The following PIAS1 variants were observed in gnomAD, a reference collection of about 807,000 sequenced individuals.
The protein encoded by PIAS1 is E3 SUMO-protein ligase PIAS1.
PIAS1 carries 6 observed loss-of-function variants against 71.3 expected under a neutral mutation model. The observed-to-expected ratio is 0.08, with a 90% CI of 0.05 to 0.17. PIAS1 has a LOEUF of 0.17. Among genes scored for constraint, PIAS1 ranks in the 10% least tolerant of loss-of-function variants. The pLI, the probability that PIAS1 is intolerant of heterozygous loss-of-function variation, is 1.00. For missense variants in PIAS1, 555 were observed against 793.6 expected (o/e 0.70, Z 3.61); for synonymous variants, 303 against 292.9 (o/e 1.03, Z -0.35).
intron 1 of PIAS1, among the ~76,000 whole-genome samples, chr15:68,076,653 G>A (rs563149997): frequency 6.6e-6 from 1 of 152,302 alleles, no homozygotes; most frequent in South Asian, 2.1e-4. Context: ...GCCCTAGAGA[G>A]TTGACACTGT....
intron 2 of PIAS1, among the ~76,000 whole-genome samples, chr15:68,108,549 C>T (rs2092492723): frequency 6.6e-6 from 1 of 152,078 alleles, no homozygotes; most frequent in Non-Finnish European, 1.5e-5. Flanking sequence ...CACTGAGGAC[C>T]CTAAATTTAT....
At chr15:68,184,937 A>G (rs533554775) in intron 13 of PIAS1, 10 of 153,500 alleles carry the variant, frequency 6.5e-5, no homozygotes, top group African/African-American at 1.7e-4. Context: ...CAGGAGCAAT[A>G]AGAAGTCATC....
In PIAS1 at chr15:68,167,213, G is replaced by GTGTA. The variant is rs1034988055; in HGVS notation, c.1008+2410_1008+2411insGTAT. On this transcript the variant is annotated intron_variant, in intron 8 of 13. Transcript: ENST00000249636. The surrounding 1 kb of genome is among the most constrained non-coding windows in gnomAD (Gnocchi z 4.4). ...ATATTGTGTGTGTGTGTGTGTGTGT[G>GTGTA]TATGTGTAAAATGTATAATTATAAT... is the stretch of plus-strand genomic sequence containing the variant. 8.5e-5 allele frequency among the ~76,000 whole-genome samples: 13 copies of GTGTA among 152,068 alleles called. No individual in the cohort carries two copies. Among genetic ancestry groups the GTGTA allele is most frequent in the African/African-American group, 2.9e-4 (12 of 41,484 alleles).
At chr15:68,153,771 A>G in intron 7 of PIAS1, 76 bp downstream of exon 7, 1 of 758,292 alleles carries the variant, frequency 1.3e-6, no homozygotes, top group Middle Eastern at 2.5e-4. Flanking sequence ...AACTCAAGAA[A>G]TTTTAGAATT....
At chr15:68,100,180 G>A (rs1197138282) in intron 2 of PIAS1, among the ~76,000 whole-genome samples, 3 of 151,558 alleles carry the variant, frequency 2.0e-5, no homozygotes, top group Non-Finnish European at 2.9e-5. Flanking sequence ...AACATCCTGT[G>A]TACTCTTAAC....
At chr15:68,071,754 C>G (rs2092099394) in intron 1 of PIAS1, among the ~76,000 whole-genome samples, 1 of 150,510 alleles carries the variant, frequency 6.6e-6, no homozygotes, top group African/African-American at 2.4e-5. Context: ...ACACTTGAGC[C>G]CTGGAGTTTG....
At chr15:68,150,643 A>G (rs1216710866) in intron 6 of PIAS1, among the ~76,000 whole-genome samples, 2 of 152,326 alleles carry the variant, frequency 1.3e-5, no homozygotes, top group South Asian at 2.1e-4. Flanking sequence ...TTCTTGCTCT[A>G]CCTCAGGGTA....
intron 4 of PIAS1, among the ~76,000 whole-genome samples, chr15:68,143,258 A>G (rs538571384): frequency 4.3e-4 from 65 of 152,220 alleles, no homozygotes; most frequent in Non-Finnish European, 7.8e-4. Context: ...CCTTGTCTCA[A>G]TAATCAGATA....
intron 2 of PIAS1, among the ~76,000 whole-genome samples, chr15:68,124,409 T>TG (rs1264116980): frequency 2.0e-5 from 3 of 151,430 alleles, no homozygotes; most frequent in African/African-American, 7.3e-5. Flanking sequence ...GTTTTTTGTT[T>TG]TTTTTTTTTC....
In PIAS1 at chr15:68,189,648, GTA is replaced by G. The variant is rs2093109381; in HGVS notation, c.*1819_*1820del. 6.6e-6 allele frequency: 1 copy of G among 152,064 alleles called. No individual in the cohort carries two copies. Among genetic ancestry groups the G allele is most frequent in the African/African-American group, 2.4e-5 (1 of 41,400 alleles). The allele number at this position is 152,064 out of a possible 1,614,324, so 9.4% of individuals were successfully genotyped here. Reference sequence around the variant, plus strand: ...GGTGTTGATATGTATATGTGTGTGTGTATATATGTATTTATAAACAAGTGTGT... The same window carrying G: ...GGTGTTGATATGTATATGTGTGTGTGTATATGTATTTATAAACAAGTGTGT... On this transcript the variant is annotated 3_prime_UTR_variant, in exon 14 of 14. Coordinates refer to ENST00000249636, the MANE Select transcript of PIAS1 (RefSeq NM_016166.3).
At chr15:68,073,771 A>C (rs1285890037) in intron 1 of PIAS1, among the ~76,000 whole-genome samples, 1 of 152,232 alleles carries the variant, frequency 6.6e-6, no homozygotes, top group Non-Finnish European at 1.5e-5. Context: ...GTAGGTGATC[A>C]TGGAAAAGTT....
At chr15:68,099,964 T>G (rs1438431566) in intron 2 of PIAS1, among the ~76,000 whole-genome samples, 1 of 152,184 alleles carries the variant, frequency 6.6e-6, no homozygotes, top group Non-Finnish European at 1.5e-5. Context: ...CATATTTTTC[T>G]CATTCTTTAA....
Position 68,187,649 on chromosome 15 carries a change from T to C in PIAS1, c.1770T>C (p.Leu590=), listed in dbSNP as rs2093096808. The change falls in exon 14 of 14, where the codon CTT becomes CTC. Residue 590 remains leucine (L), a synonymous_variant. Transcript: ENST00000249636. This position sits in a 1 kb window ranked among gnomAD's most constrained non-coding sequence, Gnocchi z 5.3. Reference sequence around the variant, plus strand: ...CGTATACCTCCTCACAGATGTTTCTTGATCAGTTAAGTGCAGGAGGCAGTA... The same window carrying C: ...CGTATACCTCCTCACAGATGTTTCTCGATCAGTTAAGTGCAGGAGGCAGTA... The part of the protein sequence containing the change: ...FFPYTSSQMF[L]DQLSAGGSTS... 1 of 1,613,914 alleles carries C rather than the reference T, an allele frequency of 6.2e-7. No homozygotes were observed. The highest frequency in any genetic ancestry group is 8.5e-7 in the Non-Finnish European group (1 of 1,179,894).
rs527669396 is a variant in PIAS1 at position 68,192,004 on chromosome 15, T to C, written c.*4169T>C. 7.2e-5 allele frequency: 11 copies of C among 152,364 alleles called. No individual in the cohort carries two copies. The South Asian group carries it at 2.3e-3, about 32-fold the overall frequency. 9.4% of individuals were successfully genotyped at this position (152,364 alleles called of 1,614,324 possible). A position where few individuals can be genotyped will look rare whatever the true frequency, so the allele number is the denominator to read the frequency against. On this transcript the variant is annotated 3_prime_UTR_variant, in exon 14 of 14. Transcript: ENST00000249636. ...GGCAAATGAGATTCATAAAACTTGC[T>C]TTAAAACCATACTGGGACTATTCAG...
chr15:68,154,444 T>C (rs991463427), intron 7 of PIAS1, among the ~76,000 whole-genome samples: 1 of 152,138 alleles, frequency 6.6e-6, no homozygotes, highest in African/African-American at 2.4e-5. Flanking sequence ...AACAAAACTT[T>C]TATAGGCAGG....
chr15:68,145,076 T>C (rs1013734160), intron 4 of PIAS1, among the ~76,000 whole-genome samples: 3 of 152,130 alleles, frequency 2.0e-5, no homozygotes, highest in African/African-American at 7.2e-5. Context: ...ATAAATGCCT[T>C]AAATAGCAAA....
chr15:68,067,415 T>G (rs1355351510), intron 1 of PIAS1, among the ~76,000 whole-genome samples: 1 of 123,702 alleles, frequency 8.1e-6, no homozygotes. Flanking sequence ...AAAAGTTTGT[T>G]GAAATTTCTA....
intron 2 of PIAS1, among the ~76,000 whole-genome samples, chr15:68,106,668 CTCT>C (rs1406578132): frequency 6.6e-6 from 1 of 151,980 alleles, no homozygotes; most frequent in Non-Finnish European, 1.5e-5. Flanking sequence ...GTAGACATGC[CTCT>C]TCTTATACCC....
At chr15:68,073,077 G>A (rs1306337463) in intron 1 of PIAS1, among the ~76,000 whole-genome samples, 5 of 152,014 alleles carry the variant, frequency 3.3e-5, no homozygotes, top group South Asian at 2.1e-4. Flanking sequence ...GTGCAGTGGC[G>A]CAATCTCGGC....
Sources: gnomAD v4.1 joint callset for allele counts (sites outside exome capture counted in the v4.1 genomes callset) on GRCh38, gnomAD v4.1.1 for gene constraint, Gnocchi (gnomAD v3.1) non-coding constraint, MANE v1.5 for transcripts, NCBI Gene and HGNC (gene_info 2026-07-23, HGNC 2026-07-21) for gene names.